The following TANC1 variants were observed in gnomAD, a reference collection of about 807,000 sequenced individuals.
TANC1 encodes the protein tetratricopeptide repeat, ankyrin repeat and coiled-coil containing 1, also known as protein TANC1.
TANC1 carries 77 observed loss-of-function variants against 149.7 expected under a neutral mutation model. The observed-to-expected ratio is 0.51, with a 90% CI of 0.43 to 0.62. The LOEUF is 0.62. Ranked by LOEUF, TANC1 falls within the 20% of genes least tolerant of loss-of-function variation. TANC1 has a pLI of 0.00. For missense variants in TANC1, 1,985 were observed against 2,321.8 expected (o/e 0.85, Z 2.98); for synonymous variants, 854 against 925.0 (o/e 0.92, Z 1.39).
intron 4 of TANC1, among the ~76,000 whole-genome samples, chr2:159,101,126 GC>G (rs2046650068): frequency 6.6e-6 from 1 of 151,978 alleles, no homozygotes; most frequent in African/African-American, 2.4e-5. Flanking sequence ...TTTGTAAGAT[GC>G]CCCCCACCCC....
In TANC1 at chr2:159,128,001, C is replaced by T. The variant is rs150525453; in HGVS notation, c.260-8193C>T. Among the ~76,000 whole-genome samples the T allele has an allele frequency of 7.7e-3, 1,171 of 152,320 alleles. 6 individuals carry two copies. Among genetic ancestry groups the T allele is most frequent in the African/African-American group, 0.027 (1,137 of 41,576 alleles). ...TGTCTGCCCTTTCCCAGTGGATCTT[C>T]GCAAACAAGGTATTTGAAATAAATA... On this transcript the variant is annotated intron_variant, in intron 4 of 26. Coordinates refer to ENST00000263635, the MANE Select transcript of TANC1 (RefSeq NM_033394.3).
At chr2:159,179,980 T>C (rs2056314080) in intron 14 of TANC1, among the ~76,000 whole-genome samples, 1 of 152,184 alleles carries the variant, frequency 6.6e-6, no homozygotes, top group African/African-American at 2.4e-5. Context: ...CCCCCTGCTG[T>C]AGTAACAGGG....
chr2:159,174,189 C>T (rs769127956), intron 11 of TANC1, among the ~76,000 whole-genome samples: 1 of 152,170 alleles, frequency 6.6e-6, no homozygotes, highest in African/African-American at 2.4e-5. Flanking sequence ...ATCTATAGCA[C>T]GCCTCCCATT....
At chr2:159,060,545 CAATTATA>C (rs1398516450) in intron 2 of TANC1, among the ~76,000 whole-genome samples, 4 of 152,162 alleles carry the variant, frequency 2.6e-5, no homozygotes, top group Admixed American at 2.0e-4. Context: ...TATTCTTTGT[CAATTATA>C]AACTGCTATA....
chr2:159,002,080 G>A (rs1204483090), intron 2 of TANC1, among the ~76,000 whole-genome samples: 1 of 152,222 alleles, frequency 6.6e-6, no homozygotes, highest in East Asian at 1.9e-4. Context: ...GAAAGGGGCT[G>A]GAGGTTATGG....
intron 6 of TANC1, 48 bp downstream of exon 6, chr2:159,149,320 A>G (rs1283548585): frequency 6.2e-7 from 1 of 1,612,350 alleles, no homozygotes; most frequent in Non-Finnish European, 8.5e-7. Flanking sequence ...CAGAGGATGA[A>G]CGAAGCAATA....
At chr2:159,182,382 G>T (rs918115841) in intron 14 of TANC1, among the ~76,000 whole-genome samples, 1 of 151,762 alleles carries the variant, frequency 6.6e-6, no homozygotes, top group African/African-American at 2.4e-5. Flanking sequence ...ACTTAACCAC[G>T]CTATTACTGC....
At chr2:159,080,646 G>A (rs1231953303) in intron 3 of TANC1, among the ~76,000 whole-genome samples, 1 of 152,222 alleles carries the variant, frequency 6.6e-6, no homozygotes, top group Non-Finnish European at 1.5e-5. Context: ...ATGATAGACT[G>A]GTTCCCCAAA....
intron 2 of TANC1, among the ~76,000 whole-genome samples, chr2:159,015,903 C>T (rs2038220573): frequency 6.6e-6 from 1 of 152,202 alleles, no homozygotes; most frequent in Non-Finnish European, 1.5e-5. Context: ...AGCCATTCAA[C>T]AAGTCTCTAG....
chr2:159,197,531 G>A (rs955621316), intron 18 of TANC1, among the ~76,000 whole-genome samples: 1 of 151,968 alleles, frequency 6.6e-6, no homozygotes, highest in Non-Finnish European at 1.5e-5. Context: ...GCTGACTTTG[G>A]CATTCAAAAC....
intron 3 of TANC1, among the ~76,000 whole-genome samples, chr2:159,087,711 G>A (rs962812737): frequency 2.0e-5 from 3 of 151,568 alleles, no homozygotes; most frequent in East Asian, 1.9e-4. Flanking sequence ...GGTGTTGGAC[G>A]GGAGGGGACA....
At chr2:159,058,900 G>T (rs975867336) in intron 2 of TANC1, among the ~76,000 whole-genome samples, 1 of 152,194 alleles carries the variant, frequency 6.6e-6, no homozygotes, top group African/African-American at 2.4e-5. Flanking sequence ...TTAAATATAG[G>T]TGGAAGGTGA....
chr2:159,043,650 G>T (rs1041034738), intron 2 of TANC1, among the ~76,000 whole-genome samples: 8 of 152,150 alleles, frequency 5.3e-5, no homozygotes, highest in Non-Finnish European at 1.2e-4. Flanking sequence ...GTCTAGCACA[G>T]TACTTTTCCA....
intron 4 of TANC1, among the ~76,000 whole-genome samples, chr2:159,100,315 C>T (rs551813261): frequency 6.6e-6 from 1 of 152,286 alleles, no homozygotes; most frequent in African/African-American, 2.4e-5. Flanking sequence ...CATGGCAAGC[C>T]TGGAGAGTGT....
intron 1 of TANC1, among the ~76,000 whole-genome samples, chr2:158,981,134 A>G (rs1375578384): frequency 6.6e-6 from 1 of 152,036 alleles, no homozygotes; most frequent in Non-Finnish European, 1.5e-5. Flanking sequence ...GACCCCCTCT[A>G]TGATTTGAGA....
chr2:159,011,155 T>C (rs907491632), intron 2 of TANC1, among the ~76,000 whole-genome samples: 3 of 152,214 alleles, frequency 2.0e-5, no homozygotes, highest in Admixed American at 1.3e-4. Flanking sequence ...ATTTAAGTAC[T>C]ACTAGTTAGT....
At chr2:159,089,390 C>T (rs1260455192) in intron 3 of TANC1, among the ~76,000 whole-genome samples, 2 of 152,160 alleles carry the variant, frequency 1.3e-5, no homozygotes, top group Non-Finnish European at 2.9e-5. Flanking sequence ...AACAGGAATT[C>T]ATGCATTTAT....
chr2:159,112,151 T>C (rs1234668758), intron 4 of TANC1, among the ~76,000 whole-genome samples: 1 of 152,238 alleles, frequency 6.6e-6, no homozygotes, highest in African/African-American at 2.4e-5. Flanking sequence ...CAGAGTTGAA[T>C]GAATGTGTAT....
chr2:159,150,497 C>T lies in TANC1; in HGVS notation c.623C>T (p.Pro208Leu). ...CVSKTAANKS[P>L]CETISSPSST... is the part of the protein sequence containing the mutation. Reference sequence around the variant, plus strand: ...AGCAAGACGGCAGCCAACAAAAGTCCCTGTGAGACCATTAGCAGCCCTAGT... The same window carrying T: ...AGCAAGACGGCAGCCAACAAAAGTCTCTGTGAGACCATTAGCAGCCCTAGT... The change falls in exon 7 of 27, where the codon CCC becomes CTC. Residue 208 changes from proline to leucine, a missense_variant. Around this residue, in one of 3 missense-constraint regions of TANC1, gnomAD observed 557 missense variants for 612.9 expected, o/e 0.91. Transcript: ENST00000263635. The T allele has an allele frequency of 6.2e-7, 1 of 1,614,124 alleles. No individual in the cohort carries two copies. Among genetic ancestry groups the T allele is most frequent in the Non-Finnish European group, 8.5e-7 (1 of 1,180,004 alleles).
Sources: gnomAD v4.1 joint callset for allele counts (sites outside exome capture counted in the v4.1 genomes callset) on GRCh38, gnomAD v4.1.1 for gene constraint, gnomAD v4.1.1 regional missense constraint, MANE v1.5 for transcripts, NCBI Gene and HGNC (gene_info 2026-07-23, HGNC 2026-07-21) for gene names.